CSGALNACT1: variants seen among roughly 807,000 people sequenced by gnomAD.
CSGALNACT1 encodes the protein chondroitin sulfate N-acetylgalactosaminyltransferase 1, also known as beta4GalNAcT-1.
In CSGALNACT1, 52 loss-of-function variants were observed where a neutral mutation model predicts 51.0. The observed-to-expected ratio is 1.02, with a 90% CI of 0.82 to 1.29. CSGALNACT1 has a LOEUF of 1.29. Ranked by LOEUF, CSGALNACT1 falls within the 50% of genes most tolerant of loss-of-function variation. CSGALNACT1 has a pLI of 0.00. For missense variants in CSGALNACT1, 935 were observed against 679.2 expected, an observed-to-expected ratio of 1.38 and a Z score of -4.19; for synonymous variants, 341 against 254.4, an observed-to-expected ratio of 1.34 and a Z score of -3.24.
intron 1 of CSGALNACT1, among the ~76,000 whole-genome samples, chr8:19,738,413 G>T (rs1300650844): frequency 1.3e-5 from 2 of 152,108 alleles, no homozygotes; most frequent in African/African-American, 2.4e-5. Flanking sequence ...TGTATATGAA[G>T]TTCTTAAATT....
At chr8:19,497,092 G>T (rs182661507) in intron 4 of CSGALNACT1, among the ~76,000 whole-genome samples, 2 of 152,328 alleles carry the variant, frequency 1.3e-5, no homozygotes, top group African/African-American at 4.8e-5. Flanking sequence ...GGAAGGCGGA[G>T]TGGGGACAGG....
intron 1 of CSGALNACT1, among the ~76,000 whole-genome samples, chr8:19,752,191 A>G (rs1023843891): frequency 4.0e-5 from 6 of 148,300 alleles, no homozygotes; most frequent in Admixed American, 3.4e-4. Flanking sequence ...CTTATATAAT[A>G]TATACTATAT....
At chr8:19,425,322 C>T (rs553924192) in intron 6 of CSGALNACT1, among the ~76,000 whole-genome samples, 1 of 152,300 alleles carries the variant, frequency 6.6e-6, no homozygotes, top group South Asian at 2.1e-4. Flanking sequence ...ACTTGGGCAA[C>T]AGAGCTACAT....
At chr8:19,751,155 A>G (rs748494888) in intron 1 of CSGALNACT1, among the ~76,000 whole-genome samples, 3 of 152,202 alleles carry the variant, frequency 2.0e-5, no homozygotes, top group Non-Finnish European at 2.9e-5. Context: ...TTATGCTGGA[A>G]AAGACAGCAA....
intron 3 of CSGALNACT1, among the ~76,000 whole-genome samples, chr8:19,508,669 A>C (rs1360408855): frequency 1.3e-5 from 2 of 152,250 alleles, no homozygotes; most frequent in Non-Finnish European, 2.9e-5. Flanking sequence ...TACTTTAAAA[A>C]GATTGTCGTT....
At chr8:19,646,108 A>C (rs548725850) in intron 1 of CSGALNACT1, among the ~76,000 whole-genome samples, 24 of 152,360 alleles carry the variant, frequency 1.6e-4, no homozygotes, top group Admixed American at 7.8e-4. Context: ...TTGAACACAA[A>C]GAGTGAAGAA....
chr8:19,682,927 C>T (rs2060735710), upstream of CSGALNACT1: 2 of 336,002 alleles, frequency 6.0e-6, no homozygotes, highest in South Asian at 2.3e-5. Flanking sequence ...ATCCCAATTA[C>T]CTGTACTTAT....
intron 5 of CSGALNACT1, among the ~76,000 whole-genome samples, chr8:19,456,401 C>A (rs13261824): frequency 2.6e-5 from 4 of 151,972 alleles, no homozygotes; most frequent in Non-Finnish European, 5.9e-5. Flanking sequence ...GCTTCTTTGC[C>A]AAATGAACTT....
chr8:19,584,631 G>A (rs1588688860), intron 3 of CSGALNACT1, among the ~76,000 whole-genome samples: 1 of 152,190 alleles, frequency 6.6e-6, no homozygotes, highest in African/African-American at 2.4e-5. Context: ...GAAATCAAAA[G>A]TATAATCTAA....
At chr8:19,450,301 G>C (rs887617788) in intron 5 of CSGALNACT1, among the ~76,000 whole-genome samples, 4 of 149,590 alleles carry the variant, frequency 2.7e-5, no homozygotes, top group Non-Finnish European at 6.0e-5. Context: ...AGAAGGAGGA[G>C]GAGGAATAGG....
intron 1 of CSGALNACT1, among the ~76,000 whole-genome samples, chr8:19,706,633 G>A (rs1203861240): frequency 6.6e-6 from 1 of 152,168 alleles, no homozygotes; most frequent in Non-Finnish European, 1.5e-5. Flanking sequence ...AATGTTGGCA[G>A]TGGGATACCT....
At chr8:19,582,721 A>G (rs921874115) in intron 3 of CSGALNACT1, among the ~76,000 whole-genome samples, 3 of 152,198 alleles carry the variant, frequency 2.0e-5, no homozygotes, top group African/African-American at 7.2e-5. Flanking sequence ...TTGTCTAAAA[A>G]GGAAGCCACC....
intron 3 of CSGALNACT1, among the ~76,000 whole-genome samples, chr8:19,582,733 T>TAA (rs1241671791): frequency 6.6e-6 from 1 of 152,118 alleles, no homozygotes; most frequent in Non-Finnish European, 1.5e-5. Flanking sequence ...GAAGCCACCA[T>TAA]AAAAAGCAAA....
At chr8:19,552,902 G>C (rs934134578) in intron 3 of CSGALNACT1, among the ~76,000 whole-genome samples, 5 of 152,164 alleles carry the variant, frequency 3.3e-5, no homozygotes, top group African/African-American at 1.2e-4. Flanking sequence ...ACAGGAGAGT[G>C]GCTGATGAGA....
chr8:19,684,260 T>C (rs1184753833), upstream of CSGALNACT1, among the ~76,000 whole-genome samples: 1 of 152,018 alleles, frequency 6.6e-6, no homozygotes, highest in African/African-American at 2.4e-5. Context: ...CTGAAACAGA[T>C]CTAAGAATAA....
chr8:19,536,061 T>C (rs776997855), intron 3 of CSGALNACT1, among the ~76,000 whole-genome samples: 13 of 152,170 alleles, frequency 8.5e-5, no homozygotes, highest in African/African-American at 1.7e-4. Context: ...ATGATCTATA[T>C]AGGCAATGCC....
intron 3 of CSGALNACT1, among the ~76,000 whole-genome samples, chr8:19,590,201 C>A (rs2047503855): frequency 6.6e-6 from 1 of 152,232 alleles, no homozygotes; most frequent in African/African-American, 2.4e-5. Flanking sequence ...GACTGCAAAT[C>A]ATCCCAGAAA....
intron 5 of CSGALNACT1, among the ~76,000 whole-genome samples, chr8:19,457,194 A>T (rs1327505095): frequency 2.0e-5 from 3 of 152,188 alleles, no homozygotes; most frequent in Non-Finnish European, 4.4e-5. Flanking sequence ...TCTTCAAAAA[A>T]CTTAGTTATA....
chr8:19,647,587 A>G (rs1297498981), intron 1 of CSGALNACT1, among the ~76,000 whole-genome samples: 1 of 152,184 alleles, frequency 6.6e-6, no homozygotes, highest in African/African-American at 2.4e-5. Flanking sequence ...GCTAATCCTA[A>G]TTCTTACCAC....
Sources: gnomAD v4.1 joint callset for allele counts (sites outside exome capture counted in the v4.1 genomes callset) on GRCh38, gnomAD v4.1.1 for gene constraint, MANE v1.5 for transcripts, NCBI Gene and HGNC (gene_info 2026-07-23, HGNC 2026-07-21) for gene names.